UMAD1: variants seen among roughly 807,000 people sequenced by gnomAD.
UMAD1 encodes UBAP1-MVB12-associated (UMA)-domain containing protein 1.
In UMAD1, 8 loss-of-function variants were observed where a neutral mutation model predicts 6.1. That is an observed-to-expected ratio of 1.30 (90% CI 0.76 to 2.35). The LOEUF (loss-of-function observed/expected upper bound fraction) is 2.35, where lower values mean the gene tolerates loss of function less well. UMAD1 is among the 30% of genes most tolerant of loss of function. The pLI is 0.00. For synonymous variants in UMAD1, 56 were observed against 31.4 expected (o/e 1.78, Z -2.61); for missense variants, 130 against 78.4 (o/e 1.66, Z -2.49).
At chr7:7,828,353 T>G (rs1783388568) in intron 3 of UMAD1, among the ~76,000 whole-genome samples, 1 of 152,202 alleles carries the variant, frequency 6.6e-6, no homozygotes. Flanking sequence ...TTGAGAAAAC[T>G]GATGCTCAGA....
chr7:7,856,075 T>C lies in UMAD1; in HGVS notation c.157-21206T>C, dbSNP rs186257042. Among the ~76,000 whole-genome samples the C allele has an allele frequency of 3.3e-5, 5 of 152,342 alleles. No homozygotes were observed. In the East Asian group the frequency reaches 9.6e-4, roughly 29 times the overall value. On this transcript the variant is annotated intron_variant, in intron 3 of 3. Transcript: ENST00000682710. Reference sequence around the variant, plus strand: ...TGGTCAAAGCCATTCAACAAGTCTCTAGGAAGTTCCAGACTTTACTACGTC... The same window carrying C: ...TGGTCAAAGCCATTCAACAAGTCTCCAGGAAGTTCCAGACTTTACTACGTC...
intron 2 of UMAD1, among the ~76,000 whole-genome samples, chr7:7,765,458 T>A (rs1781966426): frequency 6.6e-6 from 1 of 152,220 alleles, no homozygotes; most frequent in African/African-American, 2.4e-5. Flanking sequence ...AAAAGTAAAT[T>A]TATCATATTA....
intron 2 of UMAD1, among the ~76,000 whole-genome samples, chr7:7,801,442 C>T (rs1782796848): frequency 6.6e-6 from 1 of 152,044 alleles, no homozygotes; most frequent in Non-Finnish European, 1.5e-5. Flanking sequence ...CTAGATAAAA[C>T]AGGATACATT....
chr7:7,765,859 C>A (rs575428385), intron 2 of UMAD1, among the ~76,000 whole-genome samples: 1 of 152,202 alleles, frequency 6.6e-6, no homozygotes, highest in African/African-American at 2.4e-5. Context: ...ATGTTCTACT[C>A]AAAATTTTGG....
At chr7:7,822,362 T>C (rs1276331280) in intron 3 of UMAD1, among the ~76,000 whole-genome samples, 1 of 152,058 alleles carries the variant, frequency 6.6e-6, no homozygotes, top group East Asian at 1.9e-4. Flanking sequence ...GAAAAGGTAG[T>C]AAGTTAATCT....
At chr7:7,836,620 T>C (rs1341689796) in intron 3 of UMAD1, among the ~76,000 whole-genome samples, 1 of 151,876 alleles carries the variant, frequency 6.6e-6, no homozygotes, top group African/African-American at 2.4e-5. Context: ...TATATTTAAA[T>C]AAATAAAAGG....
intron 3 of UMAD1, among the ~76,000 whole-genome samples, chr7:7,853,467 A>G (rs1176075819): frequency 6.6e-6 from 1 of 151,468 alleles, no homozygotes; most frequent in Admixed American, 6.6e-5. Context: ...TTTTCCATTT[A>G]TTTAGGTCTT....
Position 7,835,462 on chromosome 7 carries a change from C to CTTTTTTTTTTTT in UMAD1, c.156+33746_156+33757dup, listed in dbSNP as rs150411259. Among the ~76,000 whole-genome samples the CTTTTTTTTTTTT allele has an allele frequency of 3.6e-4, 12 of 33,684 alleles. 4 individuals carry two copies. Among genetic ancestry groups the CTTTTTTTTTTTT allele is most frequent in the South Asian group, 1.3e-3 (1 of 770 alleles). 22.1% of individuals were successfully genotyped at this position (33,684 alleles called of 152,430 possible). ...CATTCATTCACTCATTGAAACAGCACTTTTTTTTTTTTTTTTTTTTTTTTT... is the reference window on the plus strand; with the variant it reads ...CATTCATTCACTCATTGAAACAGCACTTTTTTTTTTTTTTTTTTTTTTTTTTTTTTTTTTTTT... On this transcript the variant is annotated intron_variant, in intron 3 of 3. Coordinates refer to ENST00000682710, the MANE Select transcript of UMAD1 (RefSeq NM_001302348.2).
chr7:7,667,248 G>A (rs528296201), intron 1 of UMAD1, among the ~76,000 whole-genome samples: 1 of 152,254 alleles, frequency 6.6e-6, no homozygotes, highest in East Asian at 1.9e-4. Context: ...ATAAAATTTG[G>A]TATGTTTCCT....
intron 3 of UMAD1, among the ~76,000 whole-genome samples, chr7:7,817,810 T>G (rs1475504293): frequency 1.3e-5 from 2 of 152,168 alleles, no homozygotes; most frequent in African/African-American, 4.8e-5. Flanking sequence ...TTTCAGTATG[T>G]TCCCCCCACC....
chr7:7,833,224 C>T (rs1322816789), intron 3 of UMAD1, among the ~76,000 whole-genome samples: 3 of 152,024 alleles, frequency 2.0e-5, no homozygotes, highest in Non-Finnish European at 4.4e-5. Flanking sequence ...CTCACCATGC[C>T]AGATGAACTG....
chr7:7,672,762 A>C (rs959656749), intron 1 of UMAD1, among the ~76,000 whole-genome samples: 1 of 152,138 alleles, frequency 6.6e-6, no homozygotes, highest in African/African-American at 2.4e-5. Context: ...TTTCTTTATA[A>C]ATCACTCAGT....
chr7:7,866,881 T>C (rs971389396), intron 3 of UMAD1, among the ~76,000 whole-genome samples: 8 of 152,016 alleles, frequency 5.3e-5, no homozygotes, highest in African/African-American at 1.9e-4. Flanking sequence ...CATGGGAAAC[T>C]CTTGCAGCAT....
chr7:7,730,061 CT>C (rs1781217633), intron 2 of UMAD1, among the ~76,000 whole-genome samples: 1 of 152,150 alleles, frequency 6.6e-6, no homozygotes, highest in Admixed American at 6.5e-5. Context: ...CGACTTTTCC[CT>C]TTTTCTGCCC....
intron 3 of UMAD1, among the ~76,000 whole-genome samples, chr7:7,860,490 G>C (rs1424840253): frequency 6.6e-6 from 1 of 151,344 alleles, no homozygotes. Context: ...GCCGAGCGTG[G>C]TGGCTTATGC....
At chr7:7,872,610 G>A (rs970816473) in intron 3 of UMAD1, among the ~76,000 whole-genome samples, 1 of 152,216 alleles carries the variant, frequency 6.6e-6, no homozygotes. Flanking sequence ...AGCACATGCT[G>A]CTGGATAAAT....
intron 1 of UMAD1, among the ~76,000 whole-genome samples, chr7:7,658,178 T>C (rs111443236): frequency 0.011 from 1,622 of 152,370 alleles, 28 homozygotes; most frequent in African/African-American, 0.036. Context: ...GAGAATTTGC[T>C]GAAGTTGCTT....
chr7:7,643,118 C>CT (rs759749881), intron 1 of UMAD1, among the ~76,000 whole-genome samples: 1 of 152,116 alleles, frequency 6.6e-6, no homozygotes. Context: ...ATTTGCTTCT[C>CT]TAAAAATGAT....
intron 3 of UMAD1, among the ~76,000 whole-genome samples, chr7:7,865,331 A>G (rs1310762299): frequency 6.6e-6 from 1 of 152,154 alleles, no homozygotes; most frequent in Non-Finnish European, 1.5e-5. Flanking sequence ...TGAATTGTAG[A>G]ACACTCGGTT....
Sources: gnomAD v4.1 joint callset for allele counts (sites outside exome capture counted in the v4.1 genomes callset) on GRCh38, gnomAD v4.1.1 for gene constraint, MANE v1.5 for transcripts, NCBI Gene and HGNC (gene_info 2026-07-23, HGNC 2026-07-21) for gene names.